The following FCSK variants were observed in gnomAD, a reference collection of about 807,000 sequenced individuals.
FCSK encodes fucose kinase.
Under a neutral mutation model 122.5 loss-of-function variants are expected in FCSK, and 123 were observed. The observed-to-expected ratio is 1.00, with a 90% CI of 0.87 to 1.17. The LOEUF is 1.17. FCSK is among the 50% of genes most tolerant of loss of function. FCSK has a pLI of 0.00. For synonymous variants in FCSK, 620 were observed against 625.5 expected (o/e 0.99, Z 0.13); for missense variants, 1,366 against 1,450.4 (o/e 0.94, Z 0.95).
chr16:70,469,097 C>G, intron 9 of FCSK, 55 bp from the exon 10 acceptor site: 4 of 1,608,736 alleles, frequency 2.5e-6, no homozygotes, highest in Non-Finnish European at 3.4e-6. Context: ...AGCCTCAGAA[C>G]TTGGGGGCTG....
At chr16:70,464,368 G>A (rs1331932342) in intron 3 of FCSK, among the ~76,000 whole-genome samples, 1 of 152,040 alleles carries the variant, frequency 6.6e-6, no homozygotes, top group Non-Finnish European at 1.5e-5. Flanking sequence ...ACAGACAGCA[G>A]AGGCCGGGCG....
Position 70,478,340 on chromosome 16 carries a change from C to T in FCSK, c.2710C>T (p.Leu904=), listed in dbSNP as rs1264943013. Residue 904 remains leucine, a synonymous_variant, in exon 21 of 24, where the codon CTG becomes TTG. Coordinates refer to ENST00000288078, the MANE Select transcript of FCSK (RefSeq NM_145059.3). ...GIKVGRSRAQ[L]PLKVEVEEVT... ...CAAGGTGGGGCGCTCCCGGGCTCAG[C>T]TGCCACTGAAGGTGGAGGTAGAAGA... The T allele has an allele frequency of 5.6e-6, 9 of 1,614,218 alleles. No individual in the cohort carries two copies. Among genetic ancestry groups the T allele is most frequent in the Non-Finnish European group, 7.6e-6 (9 of 1,180,052 alleles).
intron 7 of FCSK, 191 bp downstream of exon 7, chr16:70,467,662 C>G (rs2048466012): frequency 3.2e-6 from 2 of 632,764 alleles, no homozygotes; most frequent in South Asian, 1.9e-5. Context: ...CACCGACCGC[C>G]TGTCCAGTCT....
intron 5 of FCSK, 41 bp downstream of exon 5, chr16:70,466,298 G>C: frequency 6.2e-7 from 1 of 1,609,226 alleles, no homozygotes; most frequent in Non-Finnish European, 8.5e-7. Context: ...GTCCCAGATA[G>C]AGCCACTTCC....
chr16:70,471,907 G>A (rs950475761), intron 13 of FCSK, among the ~76,000 whole-genome samples: 2 of 150,300 alleles, frequency 1.3e-5, no homozygotes, highest in Admixed American at 6.7e-5. Flanking sequence ...CCGGGTTCAC[G>A]CCATTTTCCT....
At position 70,470,379 on chromosome 16, in the gene FCSK, A is replaced by G; in HGVS notation, c.1021A>G (p.Thr341Ala). The G allele has an allele frequency of 6.2e-7, 1 of 1,613,790 alleles. No individual in the cohort carries two copies. Among genetic ancestry groups the G allele is most frequent in the Admixed American group, 1.7e-5 (1 of 60,004 alleles). ...SSASEFLLSLTLPGAPGAQIV... is the reference protein window; with the variant it reads ...SSASEFLLSLALPGAPGAQIV... ...AGCCAGTGAGTTCCTGCTCAGCCTC[A>G]CACTCCCCGGGGCTCCTGGGGCCCA... Residue 341 changes from threonine (T) to alanine (A), a missense_variant, in exon 11 of 24, where the codon ACA (threonine) becomes GCA (alanine). Thr to Ala is a moderately conservative substitution (Grantham distance 58). Coordinates refer to ENST00000288078, the MANE Select transcript of FCSK (RefSeq NM_145059.3).
At chr16:70,459,303 G>A (rs1324603546) in intron 1 of FCSK, among the ~76,000 whole-genome samples, 3 of 151,844 alleles carry the variant, frequency 2.0e-5, no homozygotes, top group African/African-American at 7.2e-5. Flanking sequence ...TTGGGAAGCC[G>A]AGGCAGGTGG....
At chr16:70,472,861 C>G (rs1023672656) in intron 14 of FCSK, 122 bp from the exon 15 acceptor site, 3 of 1,271,400 alleles carry the variant, frequency 2.4e-6, no homozygotes, top group Non-Finnish European at 3.2e-6. Context: ...ACCTGAATTG[C>G]CCACTTATGC....
intron 13 of FCSK, among the ~76,000 whole-genome samples, chr16:70,472,009 G>C (rs567396442): frequency 2.8e-4 from 42 of 152,128 alleles, no homozygotes; most frequent in African/African-American, 8.0e-4. Flanking sequence ...AGGTTTCACC[G>C]CGTTAGCCAG....
In FCSK at chr16:70,463,921, T is replaced by A; in HGVS notation, c.234+147T>A. 3 of 878,290 alleles carry A rather than the reference T, an allele frequency of 3.4e-6. No individual in the cohort carries two copies. In the South Asian group the frequency reaches 5.3e-5, roughly 15 times the overall value. The allele number at this position is 878,290 out of a possible 1,614,324, so 54.4% of individuals were successfully genotyped here. ...TTTCTGTAAATTGGGCGGACTCATC[T>A]CTGCCTTGCCGTTCAAGTGAGGGCA... On this transcript the variant is annotated intron_variant, in intron 3 of 23. Transcript: ENST00000288078.
chr16:70,471,040 C>T lies in FCSK; in HGVS notation c.1138C>T (p.Pro380Ser). The change falls in exon 12 of 24, where the codon CCT (proline) becomes TCT (serine). Residue 380 changes from proline to serine, a missense_variant. Pro to Ser is a moderately conservative substitution (Grantham distance 74). Coordinates refer to ENST00000288078, the MANE Select transcript of FCSK (RefSeq NM_145059.3). ...GCTGGAGGGCCCTGTCCAGCTGGGT[C>T]CTGGGAGCGTCCTGCAGCACTGCCA... is the stretch of plus-strand genomic sequence containing the variant. ...CLLEGPVQLG[P>S]GSVLQHCHLQ... 6.2e-7 allele frequency: 1 copy of T among 1,603,192 alleles called. No homozygotes were observed. The highest frequency in any genetic ancestry group is 8.5e-7 in the Non-Finnish European group (1 of 1,177,050).
At chr16:70,463,849 C>T in intron 3 of FCSK, 75 bp downstream of exon 3, 1 of 1,470,572 alleles carries the variant, frequency 6.8e-7, no homozygotes, top group Non-Finnish European at 9.2e-7. Flanking sequence ...TCCCCAGCTC[C>T]TCTGGCTCCA....
intron 1 of FCSK, among the ~76,000 whole-genome samples, chr16:70,459,114 A>G (rs1276254047): frequency 6.6e-6 from 1 of 151,748 alleles, no homozygotes; most frequent in Non-Finnish European, 1.5e-5. Flanking sequence ...TCCCAGCTAT[A>G]CAGGAGGCTG....
chr16:70,472,471 C>A (rs2048655459), intron 13 of FCSK, 70 bp from the exon 14 acceptor site: 19 of 1,270,544 alleles, frequency 1.5e-5, no homozygotes, highest in Non-Finnish European at 2.0e-5. Flanking sequence ...AGCTCCTGGC[C>A]CCCTGGCCGA....
intron 1 of FCSK, among the ~76,000 whole-genome samples, chr16:70,455,870 G>A (rs1477327087): frequency 6.7e-6 from 1 of 150,164 alleles, no homozygotes; most frequent in East Asian, 1.9e-4. Context: ...CCAGCCTGAC[G>A]ACAGAGGGAG....
rs542340952 is a variant in FCSK, at chr16:70,468,984, C to G, written c.783+16C>G. The G allele has an allele frequency of 5.0e-6, 8 of 1,612,154 alleles. No homozygotes were observed. In the African/African-American group the frequency reaches 6.7e-5, roughly 13 times the overall value. On this transcript the variant is annotated intron_variant, in intron 9 of 23. Transcript: ENST00000288078. ...GCCTGTCCAGGTGACTGGGGGAGGG[C>G]AGCTAGGTGGGGCCTGGCTTGGGGG...
intron 20 of FCSK, among the ~76,000 whole-genome samples, chr16:70,476,493 G>A (rs1359874999): frequency 6.6e-6 from 1 of 151,332 alleles, no homozygotes; most frequent in Admixed American, 6.6e-5. Flanking sequence ...GGGACAGCAA[G>A]AGCCCAACAA....
chr16:70,460,131 G>A (rs1271579676), intron 1 of FCSK, among the ~76,000 whole-genome samples: 1 of 137,260 alleles, frequency 7.3e-6, no homozygotes, highest in Admixed American at 7.1e-5. Flanking sequence ...TTTTGAGACG[G>A]TGTCTCGCTC....
chr16:70,466,987 T>C, intron 6 of FCSK, 33 bp downstream of exon 6: 1 of 1,597,320 alleles, frequency 6.3e-7, no homozygotes, highest in Non-Finnish European at 8.6e-7. Context: ...CTGCCTTCCT[T>C]CGTCACAGCC....
Sources: allele counts gnomAD v4.1 joint callset (sites outside exome capture counted in the v4.1 genomes callset), GRCh38; gene constraint gnomAD v4.1.1; transcripts MANE v1.5; gene names NCBI Gene and HGNC (gene_info 2026-07-23, HGNC 2026-07-21).